The following KLK6 variants were observed in gnomAD, a reference collection of about 807,000 sequenced individuals.
The protein encoded by KLK6 is kallikrein-6.
In KLK6, 16 loss-of-function variants were observed where a neutral mutation model predicts 21.7. That is an observed-to-expected ratio of 0.74 (90% CI 0.50 to 1.12). The LOEUF (loss-of-function observed/expected upper bound fraction) is 1.12, where lower values mean the gene tolerates loss of function less well. Ranked by LOEUF, KLK6 falls within the 50% of genes most tolerant of loss-of-function variation. KLK6 has a pLI of 0.00. For missense variants in KLK6, 276 were observed against 304.6 expected (o/e 0.91, Z 0.70); for synonymous variants, 116 against 120.1 (o/e 0.97, Z 0.22).
At chr19:50,969,132 C>T (rs28665094) in intron 1 of KLK6, among the ~76,000 whole-genome samples, 19,501 of 144,588 alleles carry the variant, frequency 0.13, 1,564 homozygotes, top group East Asian at 0.22. Flanking sequence ...GGAGGAGGGG[C>T]TGGGGGCCTG....
chr19:50,965,674 G>A lies in KLK6; in HGVS notation c.197+1495C>T, dbSNP rs554430435. Reference sequence around the variant, plus strand: ...TTGCTGAATCTCCACTGCCCAACTCGAATGTGGCACTTAGCAGGTGCTCTT... The same window carrying A: ...TTGCTGAATCTCCACTGCCCAACTCAAATGTGGCACTTAGCAGGTGCTCTT... On this transcript the variant is annotated intron_variant, in intron 4 of 6. Transcript: ENST00000310157. Among the ~76,000 whole-genome samples, 9 of 152,324 alleles carry A rather than the reference G, an allele frequency of 5.9e-5. No individual in the cohort carries two copies. In the East Asian group the frequency reaches 1.7e-3, roughly 29 times the overall value.
At chr19:50,967,395 T>C in intron 3 of KLK6, 70 bp from the exon 4 acceptor site, 2 of 1,441,798 alleles carry the variant, frequency 1.4e-6, no homozygotes, top group Non-Finnish European at 1.9e-6. Context: ...CAACATGAAC[T>C]CCAGTCAAGA....
At chr19:50,963,591 C>G in intron 4 of KLK6, 42 bp from the exon 5 acceptor site, 1 of 1,605,428 alleles carries the variant, frequency 6.2e-7, no homozygotes, top group Non-Finnish European at 8.5e-7. Flanking sequence ...AGCCCTTGGG[C>G]TGCAGTTGAG....
intron 3 of KLK6, among the ~76,000 whole-genome samples, chr19:50,967,853 C>T (rs1404979571): frequency 6.6e-6 from 1 of 151,502 alleles, no homozygotes; most frequent in Non-Finnish European, 1.5e-5. Context: ...CTAAAGCCAA[C>T]CCCACCCCAA....
chr19:50,967,218 C>T lies in KLK6; in HGVS notation c.148G>A (p.Val50Ile). 6.2e-7 allele frequency: 1 copy of T among 1,614,078 alleles called. No individual in the cohort carries two copies. Among genetic ancestry groups the T allele is most frequent in the African/African-American group, 1.3e-5 (1 of 74,990 alleles). The change falls in exon 4 of 7, where the codon GTC becomes ATC. Residue 50 changes from valine (V) to isoleucine (I), a missense_variant. Val to Ile is a conservative substitution (Grantham distance 29). Coordinates refer to ENST00000310157, the MANE Select transcript of KLK6 (RefSeq NM_002774.4). ...AGGACCCACAGTGGATGGATAAGGA[C>T]CCCACCACAGAGCAAGTGGCCCGAG... ...YTSGHLLCGG[V>I]LIHPLWVLTA... is the part of the protein sequence containing the mutation.
chr19:50,959,302 A>T lies in KLK6; in HGVS notation c.597T>A (p.Gly199=). The T allele has an allele frequency of 1.9e-6, 3 of 1,612,768 alleles. No individual in the cohort carries two copies. Among genetic ancestry groups the T allele is most frequent in the Non-Finnish European group, 2.5e-6 (3 of 1,179,764 alleles). Residue 199 remains glycine (G), a synonymous_variant, in exon 7 of 7, where the codon GGT becomes GGA. Transcript: ENST00000310157. ...GGAGGTGGTCTCCACATACCAGCGGACCCCCAGAATCACCCTGCAGGAAAG... is the reference window on the plus strand; with the variant it reads ...GGAGGTGGTCTCCACATACCAGCGGTCCCCCAGAATCACCCTGCAGGAAAG... ...GKDSCQGDSG[G]PLVCGDHLRG... is the part of the protein sequence containing the mutation.
chr19:50,963,080 A>G (rs79881913), intron 5 of KLK6, among the ~76,000 whole-genome samples: 3,631 of 151,820 alleles, frequency 0.024, 131 homozygotes, highest in African/African-American at 0.082. Flanking sequence ...CATGCTATTC[A>G]CCCATTGGTC....
chr19:50,966,226 CAG>C (rs1370221685), intron 4 of KLK6, among the ~76,000 whole-genome samples: 1 of 152,192 alleles, frequency 6.6e-6, no homozygotes, highest in African/African-American at 2.4e-5. Context: ...TCCCACAACT[CAG>C]AGAAAGACGT....
At chr19:50,960,101 AGGGG>A (rs1487777388) in intron 6 of KLK6, among the ~76,000 whole-genome samples, 7 of 33,916 alleles carry the variant, frequency 2.1e-4, no homozygotes, top group African/African-American at 4.9e-4. Context: ...GAGGATGGGG[AGGGG>A]GAGGAGGATG....
intron 2 of KLK6, 83 bp downstream of exon 2, chr19:50,968,458 G>A (rs947865533): frequency 3.7e-5 from 13 of 346,690 alleles, no homozygotes; most frequent in Non-Finnish European, 6.0e-5. Flanking sequence ...CTCTGTATGG[G>A]AGTTTTCCTC....
chr19:50,967,511 C>CCACACA (rs146062864), intron 3 of KLK6, among the ~76,000 whole-genome samples, 186 bp from the exon 4 acceptor site: 6,466 of 125,444 alleles, frequency 0.052, 234 homozygotes, highest in Middle Eastern at 0.11. Context: ...GACCTCATCT[C>CCACACA]CACACACACA....
At position 50,963,485 on chromosome 19, in the gene KLK6, A is replaced by G; in HGVS notation, c.262T>C (p.Ser88Pro). 1 of 1,614,100 alleles carries G rather than the reference A, an allele frequency of 6.2e-7. No individual in the cohort carries two copies. Among genetic ancestry groups the G allele is most frequent in the South Asian group, 1.1e-5 (1 of 91,072 alleles). Residue 88 changes from serine (S) to proline (P), a missense_variant, in exon 5 of 7, where the codon TCT becomes CCT. Coordinates refer to ENST00000310157, the MANE Select transcript of KLK6 (RefSeq NM_002774.4). ...GGGTGGATCACAGCCCGGACAACAGAACTCTGCTCCTGGGAACTCTCCCTT... is the reference window on the plus strand; with the variant it reads ...GGGTGGATCACAGCCCGGACAACAGGACTCTGCTCCTGGGAACTCTCCCTT... ...RQRESSQEQS[S>P]VVRAVIHPDY...
At chr19:50,967,753 C>T (rs949557210) in intron 3 of KLK6, among the ~76,000 whole-genome samples, 6 of 151,834 alleles carry the variant, frequency 4.0e-5, no homozygotes, top group African/African-American at 1.5e-4. Context: ...TACCCCATTC[C>T]CATTACAAAC....
intron 1 of KLK6, chr19:50,969,010 TG>T (rs1166958822): frequency 7.2e-6 from 1 of 139,782 alleles, no homozygotes; most frequent in Non-Finnish European, 1.5e-5. Flanking sequence ...CTCCTGAGTC[TG>T]AGGGAGGAGG....
At chr19:50,968,843 T>C (rs1336249960) in intron 1 of KLK6, 1 of 152,960 alleles carries the variant, frequency 6.5e-6, no homozygotes, top group Non-Finnish European at 1.5e-5. Flanking sequence ...TACACCCTTT[T>C]CCTCCTTACC....
At chr19:50,966,605 A>G (rs1263077787) in intron 4 of KLK6, among the ~76,000 whole-genome samples, 1 of 152,236 alleles carries the variant, frequency 6.6e-6, no homozygotes, top group Non-Finnish European at 1.5e-5. Flanking sequence ...GTTCGAGACC[A>G]GCCTGGCCAA....
intron 4 of KLK6, chr19:50,963,765 C>G (rs1046710485): frequency 1.8e-5 from 10 of 566,346 alleles, no homozygotes; most frequent in Admixed American, 3.1e-5. Flanking sequence ...TTCCTTTTGC[C>G]TCTCTGAAGC....
intron 5 of KLK6, chr19:50,962,472 T>C (rs2090859129): frequency 1.3e-5 from 2 of 152,582 alleles, no homozygotes; most frequent in Admixed American, 1.3e-4. Flanking sequence ...CCTCCCTTTC[T>C]ATTGGCCCTT....
At chr19:50,961,433 A>T (rs2090838183) in intron 6 of KLK6, among the ~76,000 whole-genome samples, 1 of 152,210 alleles carries the variant, frequency 6.6e-6, no homozygotes, top group Non-Finnish European at 1.5e-5. Context: ...CGGCCTCCCA[A>T]AGTGCCGGGA....
Sources: gnomAD v4.1 joint callset for allele counts (sites outside exome capture counted in the v4.1 genomes callset) on GRCh38, gnomAD v4.1.1 for gene constraint, MANE v1.5 for transcripts, NCBI Gene and HGNC (gene_info 2026-07-23, HGNC 2026-07-21) for gene names.